CDH7: variants seen among roughly 807,000 people sequenced by gnomAD.
CDH7 encodes cadherin 7.
Under a neutral mutation model 71.8 loss-of-function variants are expected in CDH7, and 25 were observed. The observed-to-expected ratio is 0.35, with a 90% confidence interval of 0.25 to 0.49. The LOEUF is 0.49. CDH7 is among the 20% of genes least tolerant of loss of function. CDH7 has a pLI of 0.99. For missense variants in CDH7, 862 were observed against 974.6 expected (o/e 0.88, Z 1.54); for synonymous variants, 381 against 363.8 (o/e 1.05, Z -0.54).
intron 6 of CDH7, 56 bp downstream of exon 6, chr18:65,824,887 T>A (rs906280403): frequency 8.0e-7 from 1 of 1,250,916 alleles, no homozygotes; most frequent in Non-Finnish European, 1.1e-6. Context: ...CCTTTCTGTT[T>A]GATGGGAGAA....
Position 65,885,383 on chromosome 18 carries a change from T to TTTTTTTTTTTTTTTC in CDH7, c.*4501_*4502insTTCTTTTTTTTTTTT, listed in dbSNP as rs1914347943. 8.5e-6 allele frequency: 1 copy of TTTTTTTTTTTTTTTC among 118,328 alleles called. No homozygotes were observed. The highest frequency in any genetic ancestry group is 2.5e-4 in the East Asian group (1 of 3,956). 7.3% of individuals were successfully genotyped at this position (118,328 alleles called of 1,614,324 possible). ...GGATGTGTGCCTGTGTTTTTTTTTT[T>TTTTTTTTTTTTTTTC]TTTTTTTTTTTTGACGTGGAGTCTC... On this transcript the variant is annotated 3_prime_UTR_variant, in exon 12 of 12. Coordinates refer to ENST00000397968, the MANE Select transcript of CDH7 (RefSeq NM_004361.5).
At chr18:65,857,187 A>G (rs1913389462) in intron 7 of CDH7, among the ~76,000 whole-genome samples, 1 of 151,732 alleles carries the variant, frequency 6.6e-6, no homozygotes, top group African/African-American at 2.4e-5. Flanking sequence ...AGTCATAATA[A>G]TAATAATGAA....
At chr18:65,803,092 C>G (rs867097570) in intron 2 of CDH7, 6 of 152,106 alleles carry the variant, frequency 3.9e-5, no homozygotes, top group Admixed American at 3.9e-4. Context: ...CGTCAACATT[C>G]AAAGCCAATT....
chr18:65,849,364 C>A (rs1339778637), intron 7 of CDH7, among the ~76,000 whole-genome samples: 1 of 36,186 alleles, frequency 2.8e-5, no homozygotes, highest in Non-Finnish European at 5.0e-5. Context: ...CTTTTCTTTT[C>A]TTTTCTTTTC....
At chr18:65,754,595 C>T in intron 1 of CDH7, among the ~76,000 whole-genome samples, 1 of 152,050 alleles carries the variant, frequency 6.6e-6, no homozygotes, top group Non-Finnish European at 1.5e-5. Context: ...TATTACTATA[C>T]TAGAAACTGA....
intron 6 of CDH7, among the ~76,000 whole-genome samples, chr18:65,840,326 A>G (rs1912683446): frequency 1.3e-5 from 2 of 152,130 alleles, no homozygotes; most frequent in Admixed American, 1.3e-4. Flanking sequence ...TATGTCCCCT[A>G]TTTGATTCCA....
intron 6 of CDH7, among the ~76,000 whole-genome samples, chr18:65,827,578 A>G (rs571870495): frequency 6.6e-6 from 1 of 152,070 alleles, no homozygotes; most frequent in South Asian, 2.1e-4. Context: ...CACTGTTTAT[A>G]TGAACAATAA....
intron 7 of CDH7, among the ~76,000 whole-genome samples, chr18:65,850,787 T>C (rs1913122575): frequency 6.6e-6 from 1 of 151,162 alleles, no homozygotes; most frequent in Non-Finnish European, 1.5e-5. Context: ...ATCATTAAGC[T>C]CAGAAATCAA....
At chr18:65,802,060 C>T (rs1286923683) in intron 2 of CDH7, among the ~76,000 whole-genome samples, 1 of 152,160 alleles carries the variant, frequency 6.6e-6, no homozygotes, top group Non-Finnish European at 1.5e-5. Context: ...GAGTTTCTTC[C>T]AGTCATCTCT....
intron 7 of CDH7, among the ~76,000 whole-genome samples, chr18:65,857,308 C>A (rs2244081): frequency 0.16 from 21,195 of 135,724 alleles, 3,217 homozygotes; most frequent in African/African-American, 0.4. Context: ...TATAGCAAGA[C>A]CCTGCATCTA....
chr18:65,889,542 A>T lies in CDH7; in HGVS notation c.*8648A>T, dbSNP rs1599076507. On this transcript the variant is annotated 3_prime_UTR_variant, in exon 12 of 12. Coordinates refer to ENST00000397968, the MANE Select transcript of CDH7 (RefSeq NM_004361.5). ...CCACCATGAAGGAGATGGTTCATAG[A>T]AATCTCCAAGAACTTCAGATAATTC... 1 of 152,232 alleles carries T rather than the reference A, an allele frequency of 6.6e-6. No homozygotes were observed. The highest frequency in any genetic ancestry group is 2.4e-5 in the African/African-American group (1 of 41,464). 9.4% of individuals were successfully genotyped at this position (152,232 alleles called of 1,614,324 possible).
intron 3 of CDH7, among the ~76,000 whole-genome samples, chr18:65,810,655 G>C (rs1438626836): frequency 7.1e-6 from 1 of 140,060 alleles, no homozygotes; most frequent in Non-Finnish European, 1.6e-5. Context: ...CCATCACCTA[G>C]TATTAAGCCC....
At chr18:65,826,759 T>A (rs996892396) in intron 6 of CDH7, among the ~76,000 whole-genome samples, 5 of 151,444 alleles carry the variant, frequency 3.3e-5, no homozygotes, top group Admixed American at 2.0e-4. Context: ...TAAATATCAT[T>A]AAAAAAATCT....
At chr18:65,791,692 C>G (rs998776472) in intron 2 of CDH7, among the ~76,000 whole-genome samples, 12 of 152,182 alleles carry the variant, frequency 7.9e-5, no homozygotes, top group Admixed American at 7.9e-4. Context: ...TTTAAAGATA[C>G]AGAGAATGGC....
intron 7 of CDH7, among the ~76,000 whole-genome samples, chr18:65,855,793 A>C (rs1055034987): frequency 5.3e-5 from 8 of 152,298 alleles, no homozygotes; most frequent in African/African-American, 1.4e-4. Context: ...ACAGCAAGTA[A>C]AGAAAACTTT....
Position 65,843,877 on chromosome 18 carries a change from C to A in CDH7, c.1047C>A (p.Asp349Glu). ...LRIEAANKDA[D>E]PRFLSLGPFS... is the part of the protein sequence containing the mutation. ...TAGAAGCTGCAAATAAAGATGCCGACCCTCGCTTTCTGAGCTTGGGTCCGT... is the reference window on the plus strand; with the variant it reads ...TAGAAGCTGCAAATAAAGATGCCGAACCTCGCTTTCTGAGCTTGGGTCCGT... Residue 349 changes from aspartate (D) to glutamate (E), a missense_variant, in exon 7 of 12, where the codon GAC becomes GAA. Transcript: ENST00000397968. The A allele has an allele frequency of 1.3e-6, 2 of 1,584,546 alleles. No homozygotes were observed. The highest frequency in any genetic ancestry group is 1.7e-6 in the Non-Finnish European group (2 of 1,161,836).
chr18:65,862,935 G>A lies in CDH7; in HGVS notation c.1864+18G>A, dbSNP rs909019110. The A allele has an allele frequency of 4.4e-6, 7 of 1,609,120 alleles. No individual in the cohort carries two copies. The African/African-American group carries it at 8.0e-5, about 18-fold the overall frequency. On this transcript the variant is annotated intron_variant, in intron 11 of 11. Coordinates refer to ENST00000397968, the MANE Select transcript of CDH7 (RefSeq NM_004361.5). ...ATTATTGGGTAGGTACTGTTTCCAG[G>A]GCTTGCTCTGAAAGAGCTGTCACAA...
At chr18:65,791,720 G>A (rs1251495646) in intron 2 of CDH7, among the ~76,000 whole-genome samples, 1 of 152,208 alleles carries the variant, frequency 6.6e-6, no homozygotes, top group Non-Finnish European at 1.5e-5. Context: ...ATTCTTAGGA[G>A]TCTTGTCACA....
chr18:65,766,901 A>ATTGTCT (rs1568174087), intron 2 of CDH7, among the ~76,000 whole-genome samples: 2 of 55,470 alleles, frequency 3.6e-5, no homozygotes, highest in East Asian at 4.6e-4. Context: ...AAAAAAAAAA[A>ATTGTCT]AAAAAAAAAA....
Sources: gnomAD v4.1 joint callset for allele counts (sites outside exome capture counted in the v4.1 genomes callset) on GRCh38, gnomAD v4.1.1 for gene constraint, MANE v1.5 for transcripts, NCBI Gene and HGNC (gene_info 2026-07-23, HGNC 2026-07-21) for gene names.